PAK5: variants seen among roughly 807,000 people sequenced by gnomAD.
The protein encoded by PAK5 is serine/threonine-protein kinase PAK 5.
PAK5 carries 16 observed loss-of-function variants against 65.9 expected under a neutral mutation model. That is an observed-to-expected ratio of 0.24 (90% confidence interval 0.16 to 0.37). The LOEUF (loss-of-function observed/expected upper bound fraction) is 0.37, where lower values mean the gene tolerates loss of function less well. PAK5 is among the 10% of genes least tolerant of loss of function. PAK5 has a pLI of 1.00. For synonymous variants in PAK5, 371 were observed against 354.9 expected (o/e 1.05, Z -0.51); for missense variants, 785 against 903.9 (o/e 0.87, Z 1.69).
chr20:9,607,055 T>C (rs1170457977), intron 3 of PAK5, among the ~76,000 whole-genome samples: 4 of 152,240 alleles, frequency 2.6e-5, no homozygotes, highest in Non-Finnish European at 5.9e-5. Context: ...CTATATTTCA[T>C]ATTCTCTACT....
intron 1 of PAK5, among the ~76,000 whole-genome samples, chr20:9,748,497 T>C (rs1044763089): frequency 6.6e-6 from 1 of 152,028 alleles, no homozygotes; most frequent in Non-Finnish European, 1.5e-5. Context: ...GAGATATAGA[T>C]CAATGGAACA....
chr20:9,723,816 TGC>T (rs112712352), intron 1 of PAK5, among the ~76,000 whole-genome samples: 2,271 of 152,218 alleles, frequency 0.015, 58 homozygotes, highest in African/African-American at 0.05. Flanking sequence ...GTCCACCCAC[TGC>T]AGTTGCCTGA....
chr20:9,725,828 T>C (rs2048270842), intron 1 of PAK5, among the ~76,000 whole-genome samples: 2 of 152,096 alleles, frequency 1.3e-5, no homozygotes, highest in African/African-American at 4.8e-5. Context: ...ATATGTTATA[T>C]TCAAGAAATG....
chr20:9,732,382 T>C (rs1189700707), intron 1 of PAK5, among the ~76,000 whole-genome samples: 1 of 152,164 alleles, frequency 6.6e-6, no homozygotes, highest in Non-Finnish European at 1.5e-5. Flanking sequence ...TTATGCATTT[T>C]TAAAACTTTC....
At chr20:9,580,044 C>A in intron 4 of PAK5, 101 bp downstream of exon 4, 1 of 1,037,634 alleles carries the variant, frequency 9.6e-7, no homozygotes, top group South Asian at 1.8e-5. Flanking sequence ...CCTTAAAAGG[C>A]AAACAAGTAC....
intron 1 of PAK5, among the ~76,000 whole-genome samples, chr20:9,717,745 G>A (rs113744250): frequency 0.021 from 3,209 of 152,100 alleles, 121 homozygotes; most frequent in African/African-American, 0.074. Flanking sequence ...TCAGCCTCCC[G>A]AGTGGCTGGG....
intron 1 of PAK5, among the ~76,000 whole-genome samples, chr20:9,723,690 G>A (rs1225993781): frequency 2.6e-5 from 4 of 152,128 alleles, no homozygotes; most frequent in African/African-American, 9.7e-5. Context: ...TGCAGAATGA[G>A]ACACATAAGA....
chr20:9,696,204 A>C (rs1379025440), intron 2 of PAK5, among the ~76,000 whole-genome samples: 1 of 152,078 alleles, frequency 6.6e-6, no homozygotes, highest in African/African-American at 2.4e-5. Flanking sequence ...TATTCATATG[A>C]CAGCCACATA....
intron 1 of PAK5, among the ~76,000 whole-genome samples, chr20:9,731,954 C>G (rs1298631309): frequency 6.6e-6 from 1 of 152,124 alleles, no homozygotes. Context: ...ATTAATAGCA[C>G]AGTTTTATAA....
chr20:9,730,949 A>G (rs763835176), intron 1 of PAK5, among the ~76,000 whole-genome samples: 8 of 152,220 alleles, frequency 5.3e-5, no homozygotes, highest in African/African-American at 9.6e-5. Context: ...CTGTGCTGCC[A>G]TATTCAGCAA....
intron 1 of PAK5, among the ~76,000 whole-genome samples, chr20:9,812,917 C>G (rs1460612099): frequency 6.6e-6 from 1 of 151,970 alleles, no homozygotes; most frequent in African/African-American, 2.4e-5. Context: ...CAAAACTTCA[C>G]AAGTACCCCA....
At chr20:9,764,895 T>C (rs532578313) in intron 1 of PAK5, among the ~76,000 whole-genome samples, 1 of 152,336 alleles carries the variant, frequency 6.6e-6, no homozygotes, top group East Asian at 1.9e-4. Flanking sequence ...ATGGTCTCTG[T>C]GGCAGAGACA....
At chr20:9,814,387 T>G (rs1478800548) in intron 1 of PAK5, among the ~76,000 whole-genome samples, 1 of 152,142 alleles carries the variant, frequency 6.6e-6, no homozygotes, top group Non-Finnish European at 1.5e-5. Context: ...TAACACTGTG[T>G]CTAGCATGTC....
intron 2 of PAK5, among the ~76,000 whole-genome samples, chr20:9,648,133 TGAG>T (rs928393925): frequency 1.2e-4 from 19 of 152,322 alleles, no homozygotes; most frequent in African/African-American, 4.6e-4. Flanking sequence ...TGATGATTCA[TGAG>T]GAGAACTCAT....
At chr20:9,624,731 G>A (rs2046819529) in intron 3 of PAK5, among the ~76,000 whole-genome samples, 1 of 151,838 alleles carries the variant, frequency 6.6e-6, no homozygotes, top group Admixed American at 6.6e-5. Context: ...AGAGTTGTGT[G>A]ACTGTTGGTG....
At chr20:9,540,397 G>A (rs1403387938) in intron 9 of PAK5, among the ~76,000 whole-genome samples, 1 of 152,084 alleles carries the variant, frequency 6.6e-6, no homozygotes, top group Admixed American at 6.6e-5. Flanking sequence ...CCTGCAAAAG[G>A]TCACCACTAT....
chr20:9,787,292 C>T (rs1322288336), intron 1 of PAK5, among the ~76,000 whole-genome samples: 2 of 152,134 alleles, frequency 1.3e-5, no homozygotes, highest in Non-Finnish European at 2.9e-5. Flanking sequence ...TCTATTCCAG[C>T]TCCAGTAGTA....
At chr20:9,754,582 A>C (rs1189496339) in intron 1 of PAK5, among the ~76,000 whole-genome samples, 1 of 152,200 alleles carries the variant, frequency 6.6e-6, no homozygotes, top group Admixed American at 6.5e-5. Context: ...GGGGAGGTTT[A>C]GAATCTTGTG....
chr20:9,671,745 T>G (rs2047501523), intron 2 of PAK5, among the ~76,000 whole-genome samples: 1 of 150,590 alleles, frequency 6.6e-6, no homozygotes, highest in African/African-American at 2.4e-5. Flanking sequence ...CTTCCTCTTT[T>G]CCTAATTGAA....
Sources: gnomAD v4.1 joint callset for allele counts (sites outside exome capture counted in the v4.1 genomes callset) on GRCh38, gnomAD v4.1.1 for gene constraint, MANE v1.5 for transcripts, NCBI Gene and HGNC (gene_info 2026-07-23, HGNC 2026-07-21) for gene names.